Variants in CCDC157 observed in about 807,000 individuals in gnomAD.
The protein encoded by CCDC157 is coiled-coil domain containing 157.
Under a neutral mutation model 70.9 loss-of-function variants are expected in CCDC157, and 60 were observed. That is an observed-to-expected ratio of 0.85 (90% CI 0.69 to 1.05). The LOEUF (loss-of-function observed/expected upper bound fraction) is 1.05, where lower values mean the gene tolerates loss of function less well. Among genes scored for constraint, CCDC157 ranks in the 50% least tolerant of loss-of-function variants. The pLI, the probability that CCDC157 is intolerant of heterozygous loss-of-function variation, is 0.00. For synonymous variants in CCDC157, 373 were observed against 422.4 expected, an observed-to-expected ratio of 0.88 and a Z score of 1.43; for missense variants, 943 against 984.2, an observed-to-expected ratio of 0.96 and a Z score of 0.56.
rs1173622783 is a variant in CCDC157, at chr22:30,376,640, CT to C, written c.2155del (p.Cys719AlafsTer12). ...LLEGVTHLDT[C>X]TQNPIKVLVR... is the part of the protein sequence containing the mutation. ...TGGAGGGTGTGACCCACTTGGACAC[CT>C]GCACCCAGAACCCCATCAAGGTCTT... On this transcript the variant is annotated frameshift_variant, in exon 12 of 12. Transcript: ENST00000338306. LOFTEE classifies it high-confidence loss of function. 2 of 1,613,796 alleles carry C rather than the reference CT, an allele frequency of 1.2e-6. No individual in the cohort carries two copies. The highest frequency in any genetic ancestry group is 2.7e-5 in the African/African-American group (2 of 74,890).
At chr22:30,373,304 A>G (rs1327469734) in intron 7 of CCDC157, 9 of 439,118 alleles carry the variant, frequency 2.0e-5, no homozygotes, top group Non-Finnish European at 3.3e-5. Flanking sequence ...GGGTCTGTGT[A>G]TGACTGGAAG....
chr22:30,375,710 T>TCCAGCAGCAGGTCTTCAGACTCTGCC, intron 10 of CCDC157, 47 bp downstream of exon 10: 1 of 1,531,332 alleles, frequency 6.5e-7, no homozygotes, highest in African/African-American at 1.4e-5. Flanking sequence ...GAAGCCCCTA[T>TCCAGCAGCAGGTCTTCAGACTCTGCC]CCAGCAGCAG....
rs887854473 is a variant in CCDC157, at chr22:30,372,342, A to C, written c.1335+56A>C. The C allele has an allele frequency of 2.1e-6, 3 of 1,455,848 alleles. No individual in the cohort carries two copies. The African/African-American group carries it at 4.2e-5, about 21-fold the overall frequency. The allele number at this position is 1,455,848 out of a possible 1,614,324, so 90.2% of individuals were successfully genotyped here. A position where few individuals can be genotyped will look rare whatever the true frequency, so the allele number is the denominator to read the frequency against. On this transcript the variant is annotated intron_variant, in intron 7 of 11. Transcript: ENST00000338306. ...TCTGCAATGTAGGCTGCAGGGAAAG[A>C]GGGCTCCACTGTCAGGGAATGGGGG...
At chr22:30,356,978 T>G, upstream of CCDC157, 1 of 477,278 alleles carries the variant, frequency 2.1e-6, no homozygotes, top group Non-Finnish European at 3.3e-6. Context: ...TTCCCGCCCC[T>G]CCCCGCGGGC....
chr22:30,366,248 G>A lies in CCDC157; in HGVS notation c.248G>A (p.Arg83Lys). The A allele has an allele frequency of 6.2e-7, 1 of 1,613,746 alleles. No homozygotes were observed. Among genetic ancestry groups the A allele is most frequent in the South Asian group, 1.1e-5 (1 of 91,084 alleles). Residue 83 changes from arginine (R) to lysine (K), a missense_variant and splice_region_variant, in exon 3 of 12, where the codon AGG becomes AAG. Physicochemically the swap from Arg to Lys is conservative, Grantham distance 26. Coordinates refer to ENST00000338306, the MANE Select transcript of CCDC157 (RefSeq NM_001017437.5). ...HAVLLELVID[R>K]LLLLLQSCMS... ...GTGCTGCTGGAGCTGGTCATCGACA[G>A]GTGAGGGCCTTGACCAAGCCTGGTC... is the stretch of plus-strand genomic sequence containing the variant.
At chr22:30,356,871 A>ATGAC (rs1931902645), upstream of CCDC157, 1 of 1,176,924 alleles carries the variant, frequency 8.5e-7, no homozygotes, top group Admixed American at 4.2e-5. Context: ...CCGCTCGGTC[A>ATGAC]GTACGACGAG....
chr22:30,375,291 A>T, intron 9 of CCDC157, 188 bp from the exon 10 acceptor site: 2 of 580,232 alleles, frequency 3.4e-6, no homozygotes, highest in Non-Finnish European at 6.0e-6. Context: ...GGTCCCACCC[A>T]GCTCTCAGAT....
intron 1 of CCDC157, among the ~76,000 whole-genome samples, chr22:30,357,510 T>G (rs999801055): frequency 6.6e-6 from 1 of 152,116 alleles, no homozygotes; most frequent in Admixed American, 6.5e-5. Flanking sequence ...GTCTTTCTTT[T>G]TTCTTTTTTT....
At chr22:30,356,929 C>A, upstream of CCDC157, 1 of 697,322 alleles carries the variant, frequency 1.4e-6, no homozygotes, top group Non-Finnish European at 2.0e-6. Flanking sequence ...GAAGGTACGA[C>A]TGGCGCACTT....
chr22:30,367,229 G>A (rs1932769614), intron 3 of CCDC157: 1 of 151,320 alleles, frequency 6.6e-6, no homozygotes, highest in African/African-American at 2.4e-5. Context: ...TTAAAAATTA[G>A]CTGGGTGTGT....
Position 30,370,875 on chromosome 22 carries a change from G to T in CCDC157, c.970G>T (p.Ala324Ser). ...LEQALKQEQG[A>S]RRRQAEEDEQ... The stretch of plus-strand genomic sequence containing the variant: ...GCAGGCGCTGAAACAGGAGCAGGGG[G>T]CACGGCGGCGACAGGCGGAGGAGGA... Residue 324 changes from alanine (A) to serine (S), a missense_variant, in exon 5 of 12, where the codon GCA becomes TCA. Physicochemically the swap from Ala to Ser is moderately conservative, Grantham distance 99. Coordinates refer to ENST00000338306, the MANE Select transcript of CCDC157 (RefSeq NM_001017437.5). 1.2e-6 allele frequency: 2 copies of T among 1,611,850 alleles called. No homozygotes were observed. The highest frequency in any genetic ancestry group is 1.7e-6 in the Non-Finnish European group (2 of 1,179,916).
chr22:30,373,924 A>T lies in CCDC157; in HGVS notation c.1505A>T (p.Glu502Val). 6.2e-7 allele frequency: 1 copy of T among 1,608,390 alleles called. No homozygotes were observed. The highest frequency in any genetic ancestry group is 8.5e-7 in the Non-Finnish European group (1 of 1,177,624). Residue 502 changes from glutamate to valine, a missense_variant and splice_region_variant, in exon 9 of 12, where the codon GAG becomes GTG. Transcript: ENST00000338306. ...QGQCQLRAQQ[E>V]LLQSLQREKQ... ...GGCCTGAGCCTCCGTCTGTCCCAGG[A>T]GCTGCTGCAGAGCCTGCAGAGGGAG...
At chr22:30,365,905 C>T (rs1029124959) in intron 2 of CCDC157, 85 bp from the exon 3 acceptor site, 11 of 1,317,178 alleles carry the variant, frequency 8.4e-6, no homozygotes, top group Non-Finnish European at 9.3e-6. Flanking sequence ...CCTAGCAGCT[C>T]CTGGGCAGAT....
rs1252607095 is a variant in CCDC157 at position 30,373,687 on chromosome 22, G to A, written c.1426G>A (p.Glu476Lys). 1.3e-6 allele frequency: 2 copies of A among 1,554,384 alleles called. No homozygotes were observed. Among genetic ancestry groups the A allele is most frequent in the Non-Finnish European group, 1.7e-6 (2 of 1,149,254 alleles). Residue 476 changes from glutamate to lysine, a missense_variant, in exon 8 of 12, where the codon GAG (glutamate) becomes AAG (lysine). Physicochemically the swap from Glu to Lys is moderately conservative, Grantham distance 56 (BLOSUM62 1). Coordinates refer to ENST00000338306, the MANE Select transcript of CCDC157 (RefSeq NM_001017437.5). ...GCTGCGGGGCAGCCTGGACGAGGCTGAGGCCCAGCGGGCCCGCGTGGAGGA... is the reference window on the plus strand; with the variant it reads ...GCTGCGGGGCAGCCTGGACGAGGCTAAGGCCCAGCGGGCCCGCGTGGAGGA... ...EELRGSLDEA[E>K]AQRARVEEQL...
rs903495374 is a variant in CCDC157 at position 30,368,504 on chromosome 22, G to A, written c.249-928G>A. ...ACCACAGTCTCCCGCTGCGAGGGTC[G>A]GTTGGTCTAAGCAGACGGATTGCTC... is the stretch of plus-strand genomic sequence containing the variant. On this transcript the variant is annotated intron_variant, in intron 3 of 11. Transcript: ENST00000338306. Among the ~76,000 whole-genome samples, 10 of 152,218 alleles carry A rather than the reference G, an allele frequency of 6.6e-5. No homozygotes were observed. In the South Asian group the frequency reaches 1.0e-3, roughly 16 times the overall value.
At chr22:30,375,100 G>C (rs1445988642) in intron 9 of CCDC157, 1 of 293,564 alleles carries the variant, frequency 3.4e-6, no homozygotes, top group African/African-American at 2.2e-5. Context: ...CTGGGACTAC[G>C]GGGGCCCGCC....
chr22:30,371,339 G>A, intron 5 of CCDC157: 1 of 506,140 alleles, frequency 2.0e-6, no homozygotes, highest in East Asian at 3.3e-5. Flanking sequence ...CAAAGTTCCT[G>A]GCACCAGAAG....
At position 30,373,666 on chromosome 22, in the gene CCDC157, C is replaced by T. The variant is rs941199116; in HGVS notation, c.1405C>T (p.Arg469Trp). Residue 469 changes from arginine to tryptophan, a missense_variant, in exon 8 of 12, where the codon CGG becomes TGG. Coordinates refer to ENST00000338306, the MANE Select transcript of CCDC157 (RefSeq NM_001017437.5). ...CCTGGACCAGGAACGTGAGGAGCTG[C>T]GGGGCAGCCTGGACGAGGCTGAGGC... is the stretch of plus-strand genomic sequence containing the variant. ...DSLDQEREEL[R>W]GSLDEAEAQR... 1.6e-5 allele frequency: 25 copies of T among 1,557,602 alleles called. No homozygotes were observed. In the East Asian group the frequency reaches 3.1e-4, roughly 19 times the overall value.
intron 8 of CCDC157, 25 bp downstream of exon 8, chr22:30,373,789 G>A (rs1377875943): frequency 6.5e-7 from 1 of 1,538,596 alleles, no homozygotes; most frequent in Non-Finnish European, 8.8e-7. Flanking sequence ...CTTCCTTTTT[G>A]CCAGAGAAGT....
Sources: gnomAD v4.1 joint callset for allele counts (sites outside exome capture counted in the v4.1 genomes callset) on GRCh38, gnomAD v4.1.1 for gene constraint, MANE v1.5 for transcripts, NCBI Gene and HGNC (gene_info 2026-07-23, HGNC 2026-07-21) for gene names.